The following TBC1D19 variants were observed in gnomAD, a reference collection of about 807,000 sequenced individuals.
TBC1D19 encodes TBC1 domain family member 19, also known as TBC1 domain family, member 19.
TBC1D19 carries 60 observed loss-of-function variants against 89.0 expected under a neutral mutation model. The observed-to-expected ratio is 0.67, with a 90% CI of 0.55 to 0.84. The LOEUF is 0.84. Ranked by LOEUF, TBC1D19 falls within the 40% of genes least tolerant of loss-of-function variation. The probability of loss-of-function intolerance (pLI) is 0.00; values close to 1 mark genes in which losing one functional copy is unlikely to be tolerated. For missense variants in TBC1D19, 500 were observed against 610.8 expected, an observed-to-expected ratio of 0.82 and a Z score of 1.91; for synonymous variants, 189 against 199.7, an observed-to-expected ratio of 0.95 and a Z score of 0.45.
intron 1 of TBC1D19, among the ~76,000 whole-genome samples, chr4:26,607,299 C>A (rs116015070): frequency 3.9e-5 from 6 of 152,306 alleles, no homozygotes; most frequent in Non-Finnish European, 8.8e-5. Flanking sequence ...GCCCCCCTCA[C>A]CCACCTCCCT....
chr4:26,794,945 T>G, the TBC1D19 span, among the ~76,000 whole-genome samples: 3 of 152,222 alleles, frequency 2.0e-5, no homozygotes. Context: ...ATTACTGTGT[T>G]GGGCTCCTGA....
chr4:26,837,912 A>T, the TBC1D19 span, among the ~76,000 whole-genome samples: 1 of 152,178 alleles, frequency 6.6e-6, no homozygotes, highest in African/African-American at 2.4e-5. Context: ...TTTTATAAAA[A>T]AATTGGACAT....
chr4:26,842,632 CT>C, the TBC1D19 span, among the ~76,000 whole-genome samples: 83 of 126,454 alleles, frequency 6.6e-4, no homozygotes, highest in African/African-American at 2.5e-3. Flanking sequence ...TTCTTTCTTT[CT>C]TTCTTTCTTT....
At chr4:26,684,719 A>G (rs1713657282) in intron 12 of TBC1D19, among the ~76,000 whole-genome samples, 1 of 152,220 alleles carries the variant, frequency 6.6e-6, no homozygotes, top group East Asian at 1.9e-4. Flanking sequence ...GCATATTATT[A>G]TAGGTCTCAG....
intron 13 of TBC1D19, among the ~76,000 whole-genome samples, chr4:26,699,250 G>A (rs538482735): frequency 0.015 from 2,311 of 152,118 alleles, 53 homozygotes; most frequent in African/African-American, 0.051. Flanking sequence ...CAGCCAACAG[G>A]CACATGAAAA....
chr4:26,719,776 A>ATT (rs1272545511), intron 14 of TBC1D19, among the ~76,000 whole-genome samples: 1 of 152,118 alleles, frequency 6.6e-6, no homozygotes, highest in Non-Finnish European at 1.5e-5. Context: ...TAGCAAAACA[A>ATT]TTTTATGCAT....
rs191861506 is a variant in TBC1D19, at chr4:26,730,706, C to T, written c.1085-4749C>T. On this transcript the variant is annotated intron_variant, in intron 15 of 20. Transcript: ENST00000264866. ...GGTATCCCCACCCACTTCTCATTTA[C>T]GGCTCCACTTCACACCTTGGACAGG... is the stretch of plus-strand genomic sequence containing the variant. Among the ~76,000 whole-genome samples the T allele has an allele frequency of 7.3e-4, 111 of 152,306 alleles. 1 individual carries two copies. Among genetic ancestry groups the T allele is most frequent in the African/African-American group, 1.1e-3 (45 of 41,566 alleles).
the TBC1D19 span, among the ~76,000 whole-genome samples, chr4:26,777,078 C>T: frequency 2.6e-5 from 4 of 151,070 alleles, no homozygotes; most frequent in East Asian, 3.9e-4. Context: ...CTACAGGAAA[C>T]GCTGGGACAG....
chr4:26,811,482 G>A, the TBC1D19 span, among the ~76,000 whole-genome samples: 8 of 116,832 alleles, frequency 6.8e-5, no homozygotes, highest in Non-Finnish European at 8.7e-5. Context: ...TGGAGGTGAC[G>A]AGGAGCATGG....
intron 19 of TBC1D19, among the ~76,000 whole-genome samples, chr4:26,753,417 C>T (rs989719180): frequency 6.6e-6 from 1 of 152,026 alleles, no homozygotes; most frequent in African/African-American, 2.4e-5. Context: ...ATCACTTGAG[C>T]ACAGGAATTC....
the TBC1D19 span, among the ~76,000 whole-genome samples, chr4:26,791,576 T>A: frequency 6.6e-6 from 1 of 152,176 alleles, no homozygotes; most frequent in African/African-American, 2.4e-5. Flanking sequence ...AACACAGTAA[T>A]CTTGGCAAGA....
rs1457151040 is a variant in TBC1D19 at position 26,739,846 on chromosome 4, T to G, written c.1118-18T>G. The G allele has an allele frequency of 1.4e-6, 2 of 1,432,758 alleles. No individual in the cohort carries two copies. Among genetic ancestry groups the G allele is most frequent in the South Asian group, 2.7e-5 (2 of 73,660 alleles). 88.8% of individuals were successfully genotyped at this position (1,432,758 alleles called of 1,614,324 possible). A position where few individuals can be genotyped will look rare whatever the true frequency, so the allele number is the denominator to read the frequency against. On this transcript the variant is annotated intron_variant, in intron 16 of 20. Transcript: ENST00000264866. ...TTCAGTAGTTCTGCAGTATTATAAA[T>G]TAATTTTTTTCTTTCAGTTGCACCA...
the TBC1D19 span, among the ~76,000 whole-genome samples, chr4:26,836,388 G>A: frequency 2.0e-5 from 3 of 152,168 alleles, no homozygotes; most frequent in South Asian, 6.2e-4. Flanking sequence ...ATTGAGAAGA[G>A]GGAGAAGTCT....
chr4:26,845,809 C>T, the TBC1D19 span, among the ~76,000 whole-genome samples: 1 of 152,166 alleles, frequency 6.6e-6, no homozygotes, highest in South Asian at 2.1e-4. Context: ...AAGGATTTCT[C>T]CTTATAAAAC....
the TBC1D19 span, among the ~76,000 whole-genome samples, chr4:26,799,423 G>A: frequency 6.6e-6 from 1 of 152,150 alleles, no homozygotes; most frequent in Non-Finnish European, 1.5e-5. Context: ...AGCTATAAAA[G>A]GACAGATACA....
chr4:26,786,480 A>G, the TBC1D19 span, among the ~76,000 whole-genome samples: 1 of 152,024 alleles, frequency 6.6e-6, no homozygotes, highest in Non-Finnish European at 1.5e-5. Context: ...TAAAAATACA[A>G]AAAATTAGCC....
rs2109301557 is a variant in TBC1D19, at chr4:26,734,127, A to G, written c.1085-1328A>G. 1.3e-5 allele frequency among the ~76,000 whole-genome samples: 2 copies of G among 152,348 alleles called. 1 individual carries two copies. Among genetic ancestry groups the G allele is most frequent in the South Asian group, 4.1e-4 (2 of 4,830 alleles). ...GACCTTTGTAGTCAGAACTAAGAAT[A>G]CTAAGTAGAAATTTCAGGGAGCCAG... On this transcript the variant is annotated intron_variant, in intron 15 of 20. Transcript: ENST00000264866.
downstream of TBC1D19, among the ~76,000 whole-genome samples, chr4:26,758,138 G>A (rs1166584710): frequency 6.6e-6 from 1 of 151,992 alleles, no homozygotes; most frequent in Non-Finnish European, 1.5e-5. Flanking sequence ...AATTAATTAT[G>A]CCCTTCTCCT....
chr4:26,632,350 C>G (rs1742853177), intron 4 of TBC1D19, among the ~76,000 whole-genome samples: 1 of 151,084 alleles, frequency 6.6e-6, no homozygotes, highest in Non-Finnish European at 1.5e-5. Flanking sequence ...TGGATTAACA[C>G]ATATTTTATA....
Sources: gnomAD v4.1 joint callset for allele counts (sites outside exome capture counted in the v4.1 genomes callset) on GRCh38, gnomAD v4.1.1 for gene constraint, MANE v1.5 for transcripts, NCBI Gene and HGNC (gene_info 2026-07-23, HGNC 2026-07-21) for gene names.